WDFY2: variants seen among roughly 807,000 people sequenced by gnomAD.
WDFY2 encodes the protein WD repeat and FYVE domain-containing protein 2.
Under a neutral mutation model 56.4 loss-of-function variants are expected in WDFY2, and 36 were observed. That is an observed-to-expected ratio of 0.64 (90% CI 0.49 to 0.84). The LOEUF (loss-of-function observed/expected upper bound fraction) is 0.84. WDFY2 is among the 40% of genes least tolerant of loss of function. WDFY2 has a pLI of 0.00. For synonymous variants in WDFY2, 176 were observed against 183.7 expected (o/e 0.96, Z 0.34); for missense variants, 444 against 512.2 (o/e 0.87, Z 1.29).
At chr13:51,711,128 A>G (rs1952204884) in intron 4 of WDFY2, among the ~76,000 whole-genome samples, 1 of 152,180 alleles carries the variant, frequency 6.6e-6, no homozygotes, top group Non-Finnish European at 1.5e-5. Flanking sequence ...CCTCGGAAAT[A>G]ATACCACACA....
intron 1 of WDFY2, among the ~76,000 whole-genome samples, chr13:51,600,015 C>T (rs1954237598): frequency 1.3e-5 from 2 of 152,056 alleles, no homozygotes; most frequent in Admixed American, 6.5e-5. Flanking sequence ...CCTACTTCTC[C>T]CTCCCTCATC....
intron 1 of WDFY2, among the ~76,000 whole-genome samples, chr13:51,619,778 C>G (rs192239515): frequency 6.6e-6 from 1 of 152,268 alleles, no homozygotes; most frequent in Admixed American, 6.5e-5. Context: ...CATTTATGGA[C>G]AGAAAAAGGA....
chr13:51,659,034 C>A (rs1045704587), intron 1 of WDFY2, among the ~76,000 whole-genome samples: 1 of 152,148 alleles, frequency 6.6e-6, no homozygotes, highest in African/African-American at 2.4e-5. Flanking sequence ...TCAAGTGATT[C>A]TCCTGCCTTA....
Position 51,751,210 on chromosome 13 carries a change from C to T in WDFY2, c.726-100C>T, listed in dbSNP as rs920230356. ...GTTTCTAAGATCTACACTGGGGGCTCGGAGTGAGTGAGCACATTGGCTGAC... is the reference window on the plus strand; with the variant it reads ...GTTTCTAAGATCTACACTGGGGGCTTGGAGTGAGTGAGCACATTGGCTGAC... On this transcript the variant is annotated intron_variant, in intron 7 of 11. Transcript: ENST00000298125. The T allele has an allele frequency of 1.0e-5, 11 of 1,056,234 alleles. No homozygotes were observed. In the East Asian group the frequency reaches 2.4e-4, roughly 23 times the overall value. 65.4% of individuals were successfully genotyped at this position (1,056,234 alleles called of 1,614,324 possible). A position where few individuals can be genotyped will look rare whatever the true frequency, so the allele number is the denominator to read the frequency against.
At chr13:51,694,132 T>A (rs1438835107) in intron 3 of WDFY2, among the ~76,000 whole-genome samples, 1 of 152,210 alleles carries the variant, frequency 6.6e-6, no homozygotes, top group Non-Finnish European at 1.5e-5. Context: ...CTTGACTCTT[T>A]ATCCAATTTG....
chr13:51,631,298 G>A (rs1253136812), intron 1 of WDFY2, among the ~76,000 whole-genome samples: 1 of 151,546 alleles, frequency 6.6e-6, no homozygotes, highest in East Asian at 2.0e-4. Context: ...GACTGAGGTG[G>A]GAGGATCACT....
intron 1 of WDFY2, among the ~76,000 whole-genome samples, chr13:51,593,692 G>T (rs1262669294): frequency 6.6e-6 from 1 of 151,954 alleles, no homozygotes; most frequent in South Asian, 2.1e-4. Flanking sequence ...TTTTCCTTTT[G>T]TGAATTGTCT....
chr13:51,591,957 G>A (rs1338645141), intron 1 of WDFY2: 1 of 148,492 alleles, frequency 6.7e-6, no homozygotes, highest in African/African-American at 2.5e-5. Context: ...AAGCCTTTCA[G>A]CCCAGAGCCA....
At chr13:51,585,833 G>T (rs1164941821) in intron 1 of WDFY2, among the ~76,000 whole-genome samples, 2 of 152,186 alleles carry the variant, frequency 1.3e-5, no homozygotes, top group Non-Finnish European at 2.9e-5. Flanking sequence ...TTGAGAGGCT[G>T]AGCAACAAAG....
At chr13:51,695,819 G>T (rs1024357971) in intron 3 of WDFY2, among the ~76,000 whole-genome samples, 1 of 152,214 alleles carries the variant, frequency 6.6e-6, no homozygotes, top group African/African-American at 2.4e-5. Flanking sequence ...CTTGAGCTGT[G>T]GTGGGCTCCA....
At chr13:51,631,514 A>G (rs183775596) in intron 1 of WDFY2, among the ~76,000 whole-genome samples, 213 of 152,286 alleles carry the variant, frequency 1.4e-3, no homozygotes, top group African/African-American at 4.8e-3. Flanking sequence ...TATCATTAGA[A>G]CAGTATCTAT....
chr13:51,607,758 T>C (rs1389667164), intron 1 of WDFY2, among the ~76,000 whole-genome samples: 1 of 152,142 alleles, frequency 6.6e-6, no homozygotes, highest in African/African-American at 2.4e-5. Flanking sequence ...GCAAATACTG[T>C]TGTGATAGGC....
At chr13:51,693,753 T>G (rs1479972961) in intron 3 of WDFY2, among the ~76,000 whole-genome samples, 1 of 152,124 alleles carries the variant, frequency 6.6e-6, no homozygotes, top group East Asian at 1.9e-4. Context: ...ACTTTCTGTC[T>G]CGTTGATCTG....
Position 51,767,404 on chromosome 13 carries a change from C to CTGAT in WDFY2, c.*7636_*7639dup, listed in dbSNP as rs745595184. On this transcript the variant is annotated 3_prime_UTR_variant, in exon 12 of 12. Coordinates refer to ENST00000298125, the MANE Select transcript of WDFY2 (RefSeq NM_052950.4). ...AAAATCCCTTCCTTGTGGTCCTTGG[C>CTGAT]TGATGATGAGCCCTGGATCAGAGTG... 1 of 152,184 alleles carries CTGAT rather than the reference C, an allele frequency of 6.6e-6. No homozygotes were observed. Among genetic ancestry groups the CTGAT allele is most frequent in the East Asian group, 1.9e-4 (1 of 5,188 alleles). The allele number at this position is 152,184 out of a possible 1,614,324, so 9.4% of individuals were successfully genotyped here. A position where few individuals can be genotyped will look rare whatever the true frequency, so the allele number is the denominator to read the frequency against.
chr13:51,742,732 T>A (rs1953003253), intron 7 of WDFY2, among the ~76,000 whole-genome samples: 2 of 152,228 alleles, frequency 1.3e-5, no homozygotes, highest in Admixed American at 1.3e-4. Flanking sequence ...AGATCTTTGC[T>A]ATTCCTCATG....
chr13:51,671,198 T>G (rs1224065638), intron 2 of WDFY2, among the ~76,000 whole-genome samples: 1 of 152,196 alleles, frequency 6.6e-6, no homozygotes, highest in Non-Finnish European at 1.5e-5. Flanking sequence ...ATGTTTTTCG[T>G]ATAATGACTT....
chr13:51,623,456 AGTT>A (rs1384807618), intron 1 of WDFY2, among the ~76,000 whole-genome samples: 1 of 152,122 alleles, frequency 6.6e-6, no homozygotes, highest in Non-Finnish European at 1.5e-5. Flanking sequence ...AATTCATAGC[AGTT>A]GTGAGGATTC....
chr13:51,743,818 A>G (rs956834474), intron 7 of WDFY2, among the ~76,000 whole-genome samples: 1 of 152,174 alleles, frequency 6.6e-6, no homozygotes, highest in Non-Finnish European at 1.5e-5. Context: ...CTTGGTTTGG[A>G]TGATGTTAGA....
At chr13:51,754,306 A>C (rs1419555774) in intron 8 of WDFY2, among the ~76,000 whole-genome samples, 1 of 152,138 alleles carries the variant, frequency 6.6e-6, no homozygotes, top group African/African-American at 2.4e-5. Flanking sequence ...TACCACACAC[A>C]GTGCCCAGAT....
Sources: gnomAD v4.1 joint callset for allele counts (sites outside exome capture counted in the v4.1 genomes callset) on GRCh38, gnomAD v4.1.1 for gene constraint, MANE v1.5 for transcripts, NCBI Gene and HGNC (gene_info 2026-07-23, HGNC 2026-07-21) for gene names.